SLC25A24: variants seen among roughly 807,000 people sequenced by gnomAD.
SLC25A24 encodes mitochondrial adenyl nucleotide antiporter SLC25A24.
Under a neutral mutation model 60.7 loss-of-function variants are expected in SLC25A24, and 49 were observed. The observed-to-expected ratio is 0.81, with a 90% CI of 0.64 to 1.02. The LOEUF (loss-of-function observed/expected upper bound fraction) is 1.02, where lower values mean the gene tolerates loss of function less well. Among genes scored for constraint, SLC25A24 ranks in the 50% least tolerant of loss-of-function variants. The pLI is 0.00. For missense variants in SLC25A24, 564 were observed against 586.3 expected, an observed-to-expected ratio of 0.96 and a Z score of 0.39; for synonymous variants, 202 against 200.6, an observed-to-expected ratio of 1.01 and a Z score of -0.06.
At chr1:108,174,168 AG>A (rs1369887340) in intron 3 of SLC25A24, among the ~76,000 whole-genome samples, 1 of 152,226 alleles carries the variant, frequency 6.6e-6, no homozygotes, top group Admixed American at 6.5e-5. Flanking sequence ...AGAGGTCTTC[AG>A]GAAGGGCCCT....
intron 3 of SLC25A24, among the ~76,000 whole-genome samples, chr1:108,180,070 A>G (rs1647857742): frequency 1.3e-5 from 2 of 152,180 alleles, no homozygotes; most frequent in Admixed American, 6.5e-5. Context: ...ATTACATCTC[A>G]GTAAAGCTGC....
intron 4 of SLC25A24, among the ~76,000 whole-genome samples, chr1:108,160,735 G>A (rs954012848): frequency 3.3e-5 from 5 of 152,250 alleles, no homozygotes; most frequent in Non-Finnish European, 5.9e-5. Context: ...ATCACTCGCG[G>A]TCAGGAGCTG....
At chr1:108,172,137 G>C (rs1647484767) in intron 3 of SLC25A24, among the ~76,000 whole-genome samples, 1 of 152,204 alleles carries the variant, frequency 6.6e-6, no homozygotes, top group Non-Finnish European at 1.5e-5. Context: ...AGAAAAATGA[G>C]AGCAGAAGAT....
chr1:108,139,222 A>T lies in SLC25A24; in HGVS notation c.1099-14T>A. ...GGACTTCAAGAGCTGCCAGAGAAAT[A>T]AAGAAGAAAATAATTAACGAACTCT... is the stretch of plus-strand genomic sequence containing the variant. On this transcript the variant is annotated splice_polypyrimidine_tract_variant and intron_variant, in intron 8 of 9. Transcript: ENST00000565488. 6.3e-7 allele frequency: 1 copy of T among 1,581,284 alleles called. No individual in the cohort carries two copies. Among genetic ancestry groups the T allele is most frequent in the South Asian group, 1.2e-5 (1 of 84,830 alleles).
At chr1:108,141,343 C>A (rs918043922) in intron 8 of SLC25A24, among the ~76,000 whole-genome samples, 3 of 152,084 alleles carry the variant, frequency 2.0e-5, no homozygotes, top group Non-Finnish European at 2.9e-5. Flanking sequence ...TAGTAGTAGA[C>A]CACCACCCCA....
rs1679268664 is a variant in SLC25A24 at position 108,135,871 on chromosome 1, AGATGCTCTGCAGAAGCTGAT to A, written c.*762_*781del. On this transcript the variant is annotated 3_prime_UTR_variant, in exon 10 of 10. Transcript: ENST00000565488. ...GGAAACAAAGGACAAAGGAAAACAAAGATGCTCTGCAGAAGCTGATACAAGTCAAAGGATTTCGTTTCCTG... is the reference window on the plus strand; with the variant it reads ...GGAAACAAAGGACAAAGGAAAACAAAACAAGTCAAAGGATTTCGTTTCCTG... 6.6e-6 allele frequency: 1 copy of A among 152,532 alleles called. No homozygotes were observed. Among genetic ancestry groups the A allele is most frequent in the African/African-American group, 2.4e-5 (1 of 41,462 alleles). The allele number at this position is 152,532 out of a possible 1,614,324, so 9.4% of individuals were successfully genotyped here. A position where few individuals can be genotyped will look rare whatever the true frequency, so the allele number is the denominator to read the frequency against.
At position 108,200,079 on chromosome 1, in the gene SLC25A24, C is replaced by A. The variant is rs780023554; in HGVS notation, c.60G>T (p.Gln20His). Reference protein sequence around the residue: ...LPTAACQDAEQPTRYETLFQA... With the variant: ...LPTAACQDAEHPTRYETLFQA... ...GGAAGAGGGTCTCGTAGCGCGTCGG[C>A]TGCTCCGCGTCCTGGCAGGCCGCGG... The change falls in exon 1 of 10, where the codon CAG becomes CAT. Residue 20 changes from glutamine to histidine, a missense_variant. Physicochemically the swap from Gln to His is conservative, Grantham distance 24 (BLOSUM62 0). Transcript: ENST00000565488. 2 of 1,586,488 alleles carry A rather than the reference C, an allele frequency of 1.3e-6. No homozygotes were observed. The highest frequency in any genetic ancestry group is 2.3e-5 in the South Asian group (2 of 86,852).
At chr1:108,140,786 G>A (rs1163134053) in intron 8 of SLC25A24, among the ~76,000 whole-genome samples, 2 of 142,514 alleles carry the variant, frequency 1.4e-5, no homozygotes, top group African/African-American at 5.2e-5. Context: ...TGCACACAAA[G>A]GGAAATGAGA....
intron 7 of SLC25A24, among the ~76,000 whole-genome samples, chr1:108,146,984 G>C (rs1244593747): frequency 6.6e-6 from 1 of 152,178 alleles, no homozygotes; most frequent in Non-Finnish European, 1.5e-5. Context: ...ATTTCAGAAG[G>C]AATGGCATCA....
At chr1:108,153,180 T>C (rs1020172) in intron 6 of SLC25A24, among the ~76,000 whole-genome samples, 76,987 of 151,976 alleles carry the variant, frequency 0.51, 20,070 homozygotes, top group African/African-American at 0.63. Context: ...CCCCACACTA[T>C]TACACTGTCA....
At chr1:108,172,893 G>A (rs1321673733) in intron 3 of SLC25A24, among the ~76,000 whole-genome samples, 1 of 151,928 alleles carries the variant, frequency 6.6e-6, no homozygotes, top group Non-Finnish European at 1.5e-5. Context: ...CACTTTTACT[G>A]AAGAAGTATA....
At chr1:108,153,894 T>C (rs35707205) in intron 6 of SLC25A24, among the ~76,000 whole-genome samples, 24,224 of 152,132 alleles carry the variant, frequency 0.16, 2,370 homozygotes, top group Non-Finnish European at 0.21. Context: ...TGAGTATTTA[T>C]TTATTTTAGG....
chr1:108,178,812 CA>C (rs377621332), intron 3 of SLC25A24, among the ~76,000 whole-genome samples: 120 of 135,492 alleles, frequency 8.9e-4, no homozygotes, highest in African/African-American at 3.0e-3. Flanking sequence ...GACTCCGTCT[CA>C]AAAAAAAAAA....
In SLC25A24 at chr1:108,178,774, A is replaced by C. The variant is rs569304759; in HGVS notation, c.398+3167T>G. The stretch of plus-strand genomic sequence containing the variant: ...GCTTGCAGTGAGCCAAGATCGGGCC[A>C]CAGCACTCAAGCTCGAGGACAGAGT... On this transcript the variant is annotated intron_variant, in intron 3 of 9. Coordinates refer to ENST00000565488, the MANE Select transcript of SLC25A24 (RefSeq NM_013386.5). Among the ~76,000 whole-genome samples the C allele has an allele frequency of 1.5e-3, 231 of 152,234 alleles. 1 individual carries two copies. Among genetic ancestry groups the C allele is most frequent in the African/African-American group, 5.2e-3 (218 of 41,554 alleles).
intron 3 of SLC25A24, among the ~76,000 whole-genome samples, chr1:108,179,823 A>G (rs1424537868): frequency 6.6e-6 from 1 of 152,108 alleles, no homozygotes; most frequent in African/African-American, 2.4e-5. Flanking sequence ...TAATAATAAT[A>G]TATTATATTC....
intron 3 of SLC25A24, among the ~76,000 whole-genome samples, chr1:108,164,682 T>C (rs1680192492): frequency 6.7e-6 from 1 of 150,314 alleles, no homozygotes; most frequent in East Asian, 1.9e-4. Context: ...TTCTTCTCTC[T>C]TTTTTTCTTT....
chr1:108,151,221 A>G (rs886997407), intron 6 of SLC25A24, among the ~76,000 whole-genome samples: 3 of 151,794 alleles, frequency 2.0e-5, no homozygotes, highest in Non-Finnish European at 4.4e-5. Context: ...AAACATACAA[A>G]CAGAAAAAAA....
chr1:108,181,995 A>G lies in SLC25A24; in HGVS notation c.344T>C (p.Leu115Pro), dbSNP rs1352841072. ...AGAAATAGTCAGACCCAGTGTCTGG[A>G]GAGACTGGACAATTTCTGAAGCCTC... Reference protein sequence around the residue: ...KIEASEIVQSLQTLGLTISEQ... With the variant: ...KIEASEIVQSPQTLGLTISEQ... The change falls in exon 3 of 10, where the codon CTC becomes CCC. Residue 115 changes from leucine to proline, a missense_variant. By Grantham distance (98) the Leu-to-Pro change is moderately conservative. Coordinates refer to ENST00000565488, the MANE Select transcript of SLC25A24 (RefSeq NM_013386.5). The G allele has an allele frequency of 6.2e-7, 1 of 1,612,800 alleles. No homozygotes were observed. The highest frequency in any genetic ancestry group is 8.5e-7 in the Non-Finnish European group (1 of 1,179,102).
chr1:108,134,572 A>G lies in SLC25A24; in HGVS notation c.*2081T>C, dbSNP rs532990671. 1 of 152,226 alleles carries G rather than the reference A, an allele frequency of 6.6e-6. No individual in the cohort carries two copies. Among genetic ancestry groups the G allele is most frequent in the African/African-American group, 2.4e-5 (1 of 41,530 alleles). 9.4% of individuals were successfully genotyped at this position (152,226 alleles called of 1,614,324 possible). A position where few individuals can be genotyped will look rare whatever the true frequency, so the allele number is the denominator to read the frequency against. ...GGTAAATGTGGAATTTTGATATCAC[A>G]AAAAATATCACCTTGTGTCAAAATG... On this transcript the variant is annotated 3_prime_UTR_variant, in exon 10 of 10. Coordinates refer to ENST00000565488, the MANE Select transcript of SLC25A24 (RefSeq NM_013386.5).
Sources: allele counts gnomAD v4.1 joint callset (sites outside exome capture counted in the v4.1 genomes callset), GRCh38; gene constraint gnomAD v4.1.1; transcripts MANE v1.5; gene names NCBI Gene and HGNC (gene_info 2026-07-23, HGNC 2026-07-21).